Variants in RGCC observed in about 807,000 individuals in gnomAD.
RGCC encodes the protein regulator of cell cycle.
A neutral mutation model predicts 15.4 loss-of-function variants in RGCC; 15 were observed. The ratio of observed to expected loss-of-function variants is 0.97; its 90% CI spans 0.65 to 1.50. RGCC has a LOEUF of 1.50. Ranked by LOEUF, RGCC falls within the 40% of genes most tolerant of loss-of-function variation. The probability of loss-of-function intolerance (pLI) is 0.00; values close to 1 mark genes in which losing one functional copy is unlikely to be tolerated. For missense variants in RGCC, 176 were observed against 189.7 expected, an observed-to-expected ratio of 0.93 and a Z score of 0.42; for synonymous variants, 81 against 78.0, an observed-to-expected ratio of 1.04 and a Z score of -0.20.
chr13:41,468,321 G>A (rs1022958732), intron 3 of RGCC, among the ~76,000 whole-genome samples: 5 of 152,230 alleles, frequency 3.3e-5, no homozygotes, highest in African/African-American at 1.2e-4. Context: ...TGTCTGCTCT[G>A]CACAGTGCTA....
In RGCC at chr13:41,461,794, A is replaced by G. The variant is rs182221943; in HGVS notation, c.235+3324A>G. 4.4e-4 allele frequency among the ~76,000 whole-genome samples: 67 copies of G among 152,346 alleles called. 1 individual carries two copies. The highest frequency in any genetic ancestry group is 1.3e-3 in the African/African-American group (56 of 41,580). ...GGGACCTTGTGGGCCCTGGAGAACC[A>G]GCATGACAGATGGCTTATGTGGCTT... On this transcript the variant is annotated intron_variant, in intron 2 of 4. Transcript: ENST00000379359.
In RGCC at chr13:41,466,848, C is replaced by T. The variant is rs1438049075; in HGVS notation, c.261C>T (p.Ser87=). ...GTGCAGATTCACTTTATAGGAACAG[C>T]TTCAGCTTCAGTGATGAAAAACTGA... ...SESADSLYRN[S]FSFSDEKLNS... Residue 87 remains serine, a synonymous_variant, in exon 3 of 5, where the codon AGC becomes AGT. Transcript: ENST00000379359. 2 of 1,613,352 alleles carry T rather than the reference C, an allele frequency of 1.2e-6. No individual in the cohort carries two copies. Among genetic ancestry groups the T allele is most frequent in the South Asian group, 2.2e-5 (2 of 91,078 alleles).
At chr13:41,465,571 C>A (rs553562345) in intron 2 of RGCC, among the ~76,000 whole-genome samples, 183 of 152,042 alleles carry the variant, frequency 1.2e-3, no homozygotes, top group Middle Eastern at 6.8e-3. Context: ...TCAAAGGCAC[C>A]CTAGTACTTA....
Position 41,470,593 on chromosome 13 carries a change from C to A in RGCC, c.*108C>A. On this transcript the variant is annotated 3_prime_UTR_variant, in exon 5 of 5. Transcript: ENST00000379359. ...TGCTGCCAGAGGGGACAAAGACGTG[C>A]ACTCAACCTTCTACCAGGCCACTCT... 2 of 1,101,934 alleles carry A rather than the reference C, an allele frequency of 1.8e-6. No individual in the cohort carries two copies. Among genetic ancestry groups the A allele is most frequent in the South Asian group, 2.5e-5 (2 of 79,444 alleles). 68.3% of individuals were successfully genotyped at this position (1,101,934 alleles called of 1,614,324 possible).
intron 2 of RGCC, among the ~76,000 whole-genome samples, chr13:41,462,092 C>T (rs2043824498): frequency 6.6e-6 from 1 of 152,318 alleles, no homozygotes; most frequent in South Asian, 2.1e-4. Context: ...AACCCACACC[C>T]CCAGCCATTC....
At position 41,466,911 on chromosome 13, in the gene RGCC, C is replaced by G. The variant is rs2043852250; in HGVS notation, c.324C>G (p.Ala108=). ...PTDSTPALLS[A]TVTPQKAKLG... ...ACTCTACCCCAGCTCTTCTCTCTGC[C>G]ACTGTCACTCCTCAGAAAGGTAAGG... The change falls in exon 3 of 5, where the codon GCC becomes GCG. Residue 108 remains alanine, a synonymous_variant. Coordinates refer to ENST00000379359, the MANE Select transcript of RGCC (RefSeq NM_014059.3). 6.2e-7 allele frequency: 1 copy of G among 1,612,810 alleles called. No individual in the cohort carries two copies. Among genetic ancestry groups the G allele is most frequent in the Non-Finnish European group, 8.5e-7 (1 of 1,178,952 alleles).
At position 41,458,247 on chromosome 13, in the gene RGCC, C is replaced by A; in HGVS notation, c.50-38C>A. On this transcript the variant is annotated intron_variant, in intron 1 of 4. Transcript: ENST00000379359. The surrounding 1 kb of genome is among the most constrained non-coding windows in gnomAD (Gnocchi z 4.4). ...CCTGGGAGGTGGTCCCGCTGCCCCC[C>A]TGACTTCCGTGCACTGAGCCCCTGG... The A allele has an allele frequency of 6.6e-7, 1 of 1,513,110 alleles. No homozygotes were observed. Among genetic ancestry groups the A allele is most frequent in the Non-Finnish European group, 8.8e-7 (1 of 1,130,228 alleles). The allele number at this position is 1,513,110 out of a possible 1,614,324, so 93.7% of individuals were successfully genotyped here.
At chr13:41,470,375 A>C in intron 4 of RGCC, 103 bp from the exon 5 acceptor site, 1 of 1,195,612 alleles carries the variant, frequency 8.4e-7, no homozygotes, top group Non-Finnish European at 1.2e-6. Flanking sequence ...GAAGCCCAGC[A>C]TTGAGTTTGG....
intron 2 of RGCC, among the ~76,000 whole-genome samples, chr13:41,459,021 T>G (rs2043808185): frequency 6.6e-6 from 1 of 152,304 alleles, no homozygotes; most frequent in South Asian, 2.1e-4. Context: ...TCTTTGGCAC[T>G]GCTGAGTTCA....
chr13:41,459,446 C>T (rs1443475927), intron 2 of RGCC, among the ~76,000 whole-genome samples: 4 of 152,176 alleles, frequency 2.6e-5, no homozygotes, highest in African/African-American at 9.7e-5. Flanking sequence ...ATGGCCTTTC[C>T]GTGTGATTCT....
chr13:41,466,992 C>A, intron 3 of RGCC, 62 bp downstream of exon 3: 2 of 1,005,432 alleles, frequency 2.0e-6, no homozygotes, highest in South Asian at 1.3e-5. Context: ...TTCTCAATCC[C>A]TTCTCTGTCC....
chr13:41,458,450 G>T lies in RGCC; in HGVS notation c.215G>T (p.Ser72Ile). 6.3e-7 allele frequency: 1 copy of T among 1,598,632 alleles called. No homozygotes were observed. The highest frequency in any genetic ancestry group is 1.7e-5 in the Admixed American group (1 of 59,526). ...RRSSASVSDS[S>I]GFSDSESADS... The stretch of plus-strand genomic sequence containing the variant: ...AGCAGCGCCAGTGTCAGCGACAGCA[G>T]CGGCTTCAGCGACTCGGAGAGTAAG... Residue 72 changes from serine to isoleucine, a missense_variant, in exon 2 of 5, where the codon AGC becomes ATC. Ser to Ile is a moderately radical substitution (Grantham distance 142). Transcript: ENST00000379359. The surrounding 1 kb of genome is among the most constrained non-coding windows in gnomAD (Gnocchi z 4.4).
At chr13:41,466,040 C>T (rs1344936498) in intron 2 of RGCC, among the ~76,000 whole-genome samples, 1 of 151,800 alleles carries the variant, frequency 6.6e-6, no homozygotes, top group Non-Finnish European at 1.5e-5. Flanking sequence ...AAGCAAGGGC[C>T]TTTGGTATAC....
chr13:41,467,098 T>C (rs967733536), intron 3 of RGCC, among the ~76,000 whole-genome samples, 168 bp downstream of exon 3: 6 of 152,248 alleles, frequency 3.9e-5, no homozygotes, highest in African/African-American at 1.4e-4. Flanking sequence ...TTTTTATTTC[T>C]CAGGATTTTA....
At chr13:41,461,708 A>G (rs2043822138) in intron 2 of RGCC, among the ~76,000 whole-genome samples, 1 of 152,224 alleles carries the variant, frequency 6.6e-6, no homozygotes, top group African/African-American at 2.4e-5. Flanking sequence ...CTTTAGCATC[A>G]GCAAGACTTA....
chr13:41,458,356 GAC>G lies in RGCC; in HGVS notation c.122_123del (p.Asp41ValfsTer44), dbSNP rs1469314243. The G allele has an allele frequency of 1.3e-6, 2 of 1,592,976 alleles. No individual in the cohort carries two copies. The highest frequency in any genetic ancestry group is 2.7e-5 in the African/African-American group (2 of 74,754). ...ALCEFDAVLA[D>X]FASPFHERHF... ...GTGCGAGTTTGACGCGGTGCTGGCC[GAC>G]TTCGCGTCGCCCTTCCACGAGCGCC... On this transcript the variant is annotated frameshift_variant, in exon 2 of 5. Coordinates refer to ENST00000379359, the MANE Select transcript of RGCC (RefSeq NM_014059.3). LOFTEE classifies it high-confidence loss of function. This position sits in a 1 kb window ranked among gnomAD's most constrained non-coding sequence, Gnocchi z 4.4.
Position 41,458,290 on chromosome 13 carries a change from G to C in RGCC, c.55G>C (p.Ala19Pro). ...SPAAAAAAAP[A>P]LDSAAAEDLS... ...GCCCCTGGCCCTGCCCGCAGCCCCGGCCCTGGACTCGGCGGCCGCGGAGGA... is the reference window on the plus strand; with the variant it reads ...GCCCCTGGCCCTGCCCGCAGCCCCGCCCCTGGACTCGGCGGCCGCGGAGGA... Residue 19 changes from alanine (A) to proline (P), a missense_variant, in exon 2 of 5, where the codon GCC becomes CCC. By Grantham distance (27) the Ala-to-Pro change is conservative. Transcript: ENST00000379359. This position sits in a 1 kb window ranked among gnomAD's most constrained non-coding sequence, Gnocchi z 4.4. 3 of 1,573,102 alleles carry C rather than the reference G, an allele frequency of 1.9e-6. No individual in the cohort carries two copies. Among genetic ancestry groups the C allele is most frequent in the Non-Finnish European group, 2.6e-6 (3 of 1,166,848 alleles).
intron 3 of RGCC, 116 bp downstream of exon 3, chr13:41,467,046 G>C (rs1050430325): frequency 1.4e-6 from 1 of 704,926 alleles, no homozygotes; most frequent in Non-Finnish European, 2.5e-6. Context: ...AAAACAAATA[G>C]GTAAGACTAA....
intron 4 of RGCC, among the ~76,000 whole-genome samples, chr13:41,469,891 G>C (rs1320363448): frequency 1.3e-5 from 2 of 152,172 alleles, no homozygotes; most frequent in African/African-American, 4.8e-5. Context: ...AGAGCCAGGA[G>C]GACCAACTCC....
Sources: allele counts gnomAD v4.1 joint callset (sites outside exome capture counted in the v4.1 genomes callset), GRCh38; gene constraint gnomAD v4.1.1; non-coding constraint Gnocchi (gnomAD v3.1); transcripts MANE v1.5; gene names NCBI Gene and HGNC (gene_info 2026-07-23, HGNC 2026-07-21).